Variants in KIAA1217 observed in about 807,000 individuals in gnomAD.
KIAA1217 encodes KIAA1217.
Under a neutral mutation model 163.9 loss-of-function variants are expected in KIAA1217, and 88 were observed. The ratio of observed to expected loss-of-function variants is 0.54; its 90% CI spans 0.45 to 0.64. The LOEUF (loss-of-function observed/expected upper bound fraction) is 0.64. Ranked by LOEUF, KIAA1217 falls within the 30% of genes least tolerant of loss-of-function variation. The pLI is 0.00. For synonymous variants in KIAA1217, 903 were observed against 923.1 expected (o/e 0.98, Z 0.39); for missense variants, 2,372 against 2,475.0 (o/e 0.96, Z 0.88).
In KIAA1217 at chr10:24,447,410, C is replaced by T. The variant is rs192363219; in HGVS notation, c.846+8931C>T. ...ACTCCTCCCACCCCACAACAGGCCCCGGTGTGTGATGTTCCCCACCCTGTG... is the reference window on the plus strand; with the variant it reads ...ACTCCTCCCACCCCACAACAGGCCCTGGTGTGTGATGTTCCCCACCCTGTG... On this transcript the variant is annotated intron_variant, in intron 5 of 20. Coordinates refer to ENST00000376454, the MANE Select transcript of KIAA1217 (RefSeq NM_019590.5). 6.4e-4 allele frequency among the ~76,000 whole-genome samples: 97 copies of T among 152,146 alleles called. 1 individual carries two copies. The highest frequency in any genetic ancestry group is 6.8e-3 in the Middle Eastern group (2 of 294).
chr10:24,044,956 C>A (rs951143251), intron 2 of KIAA1217, among the ~76,000 whole-genome samples: 6 of 152,062 alleles, frequency 3.9e-5, no homozygotes, highest in African/African-American at 1.4e-4. Context: ...TTCTAGAACT[C>A]CTGAACAGGT....
At chr10:23,912,847 A>G (rs1842492374) in intron 1 of KIAA1217, among the ~76,000 whole-genome samples, 1 of 152,170 alleles carries the variant, frequency 6.6e-6, no homozygotes, top group South Asian at 2.1e-4. Flanking sequence ...GGAAACGGAG[A>G]GCAATCATTT....
intron 5 of KIAA1217, among the ~76,000 whole-genome samples, chr10:24,461,118 A>G (rs1356692002): frequency 1.3e-5 from 2 of 152,202 alleles, no homozygotes; most frequent in East Asian, 3.9e-4. Flanking sequence ...TCTGAAAACC[A>G]TCTATCCTTT....
chr10:24,363,083 A>G (rs1306029835), intron 2 of KIAA1217, among the ~76,000 whole-genome samples: 3 of 152,182 alleles, frequency 2.0e-5, no homozygotes, highest in Non-Finnish European at 4.4e-5. Flanking sequence ...TCCTTTACTG[A>G]TACTTTTCTT....
intron 2 of KIAA1217, among the ~76,000 whole-genome samples, chr10:24,343,067 A>G (rs766070369): frequency 1.1e-4 from 17 of 152,176 alleles, no homozygotes; most frequent in Non-Finnish European, 2.2e-4. Context: ...TCTTTCTCTA[A>G]CTGCAACTCC....
intron 1 of KIAA1217, among the ~76,000 whole-genome samples, chr10:23,838,980 G>A (rs140967152): frequency 2.0e-5 from 3 of 151,976 alleles, no homozygotes; most frequent in Admixed American, 6.6e-5. Context: ...TATTTGTCAT[G>A]TTCTTTATTT....
intron 2 of KIAA1217, among the ~76,000 whole-genome samples, chr10:24,316,624 T>C (rs1161378361): frequency 3.3e-5 from 5 of 152,114 alleles, no homozygotes; most frequent in Non-Finnish European, 7.4e-5. Context: ...ATTGTCCTCA[T>C]CCACAGATAC....
intron 1 of KIAA1217, among the ~76,000 whole-genome samples, chr10:23,787,424 T>C (rs1329822820): frequency 6.6e-6 from 1 of 152,162 alleles, no homozygotes; most frequent in Non-Finnish European, 1.5e-5. Context: ...CAGGTCCTTA[T>C]AATTCTACAG....
rs1215622868 is a variant in KIAA1217 at position 23,786,991 on chromosome 10, T to TA, written c.-321+91763dup. Among the ~76,000 whole-genome samples, 3 of 152,228 alleles carry TA rather than the reference T, an allele frequency of 2.0e-5. No individual in the cohort carries two copies. The South Asian group carries it at 6.2e-4, about 32-fold the overall frequency. On this transcript the variant is annotated intron_variant, in intron 1 of 18. Transcript: ENST00000376462. ...CATGTTTTCTGTTTTATGGACATTT[T>TA]AAAAAATGTTAAAGTTTTAATAACA...
intron 2 of KIAA1217, among the ~76,000 whole-genome samples, chr10:24,263,748 C>T (rs2075941700): frequency 6.6e-6 from 1 of 152,080 alleles, no homozygotes; most frequent in Non-Finnish European, 1.5e-5. Context: ...TACGAGATGC[C>T]TCTAACATTT....
At chr10:24,486,653 C>T (rs1311212750) in intron 6 of KIAA1217, among the ~76,000 whole-genome samples, 6 of 152,176 alleles carry the variant, frequency 3.9e-5, no homozygotes, top group African/African-American at 1.4e-4. Context: ...CAGCCTAGAA[C>T]GTTCCTCCTC....
chr10:24,347,104 C>G (rs1360979304), intron 2 of KIAA1217, among the ~76,000 whole-genome samples: 3 of 152,138 alleles, frequency 2.0e-5, no homozygotes, highest in Non-Finnish European at 4.4e-5. Flanking sequence ...CTCATAGCTT[C>G]CTTACTTCAA....
intron 3 of KIAA1217, among the ~76,000 whole-genome samples, chr10:24,419,122 A>G (rs954966794): frequency 2.0e-5 from 3 of 150,232 alleles, no homozygotes; most frequent in Non-Finnish European, 4.4e-5. Flanking sequence ...GGTTGCAGTG[A>G]TCACACCACT....
chr10:24,209,041 C>T, upstream of KIAA1217: 1 of 629,622 alleles, frequency 1.6e-6, no homozygotes, highest in South Asian at 1.9e-5. Flanking sequence ...GCGAGGGAGA[C>T]TTTGCACCGG....
intron 3 of KIAA1217, among the ~76,000 whole-genome samples, chr10:24,411,898 G>A (rs182299498): frequency 2.0e-5 from 3 of 152,020 alleles, no homozygotes; most frequent in Admixed American, 1.3e-4. Context: ...GTAGGAAATC[G>A]CTAATGGGAA....
intron 1 of KIAA1217, among the ~76,000 whole-genome samples, chr10:23,991,143 T>G (rs1846201017): frequency 6.6e-6 from 1 of 152,176 alleles, no homozygotes; most frequent in Admixed American, 6.5e-5. Flanking sequence ...ACTAGTCGGG[T>G]ATTTTCCTAA....
chr10:24,283,628 C>T (rs1411513539), intron 2 of KIAA1217, among the ~76,000 whole-genome samples: 3 of 151,882 alleles, frequency 2.0e-5, no homozygotes, highest in African/African-American at 7.3e-5. Flanking sequence ...GTTGTGCCAC[C>T]GCACTTCAGC....
rs187214051 is a variant in KIAA1217 at position 24,513,263 on chromosome 10, A to G, written c.2006A>G (p.Gln669Arg). Residue 669 changes from glutamine to arginine, a missense_variant, in exon 10 of 21, where the codon CAG becomes CGG. By Grantham distance (43) the Gln-to-Arg change is conservative (BLOSUM62 1). This residue lies in a region of KIAA1217 where 1,431 missense variants were observed against 1,470.3 expected (regional missense o/e 0.97). Transcript: ENST00000376454. Reference sequence around the variant, plus strand: ...TTGATTTTTTTGTGTTCACAGCTGCAGAACCAGGAGTTGCTGAGGGCAATG... The same window carrying G: ...TTGATTTTTTTGTGTTCACAGCTGCGGAACCAGGAGTTGCTGAGGGCAATG... ...QLQQMRQLQL[Q>R]NQELLRAMMK... 7.4e-6 allele frequency: 12 copies of G among 1,613,930 alleles called. No individual in the cohort carries two copies. The Admixed American group carries it at 1.7e-4, about 22-fold the overall frequency.
chr10:24,173,390 T>C (rs1419855885), intron 2 of KIAA1217, among the ~76,000 whole-genome samples: 2 of 152,122 alleles, frequency 1.3e-5, no homozygotes, highest in East Asian at 3.8e-4. Flanking sequence ...AGTGTAAAAA[T>C]AATAGAAATA....
Sources: allele counts gnomAD v4.1 joint callset (sites outside exome capture counted in the v4.1 genomes callset), GRCh38; gene constraint gnomAD v4.1.1; regional missense constraint gnomAD v4.1.1; transcripts MANE v1.5; gene names NCBI Gene and HGNC (gene_info 2026-07-23, HGNC 2026-07-21).